Variants in GRID1 observed in about 807,000 individuals in gnomAD.
GRID1 encodes glutamate receptor ionotropic, delta-1.
In GRID1, 28 loss-of-function variants were observed where a neutral mutation model predicts 98.0. That is an observed-to-expected ratio of 0.29 (90% CI 0.21 to 0.39). The LOEUF (loss-of-function observed/expected upper bound fraction) is 0.39. GRID1 is among the 10% of genes least tolerant of loss of function. The probability of loss-of-function intolerance (pLI) is 1.00; values close to 1 mark genes in which losing one functional copy is unlikely to be tolerated. For synonymous variants in GRID1, 553 were observed against 538.5 expected (o/e 1.03, Z -0.37); for missense variants, 1,111 against 1,340.5 (o/e 0.83, Z 2.67).
intron 4 of GRID1, among the ~76,000 whole-genome samples, chr10:85,955,898 C>A (rs1432927028): frequency 6.6e-6 from 1 of 152,166 alleles, no homozygotes; most frequent in Non-Finnish European, 1.5e-5. Flanking sequence ...GGGGAGCTGG[C>A]CATTGTGCTC....
chr10:85,753,419 C>T (rs942689142), intron 8 of GRID1, among the ~76,000 whole-genome samples: 3 of 152,082 alleles, frequency 2.0e-5, no homozygotes, highest in African/African-American at 7.2e-5. Context: ...AGATGACAAG[C>T]CACTTAAGGA....
intron 2 of GRID1, among the ~76,000 whole-genome samples, chr10:86,284,234 T>G (rs569081827): frequency 4.6e-5 from 7 of 152,018 alleles, no homozygotes; most frequent in South Asian, 2.1e-4. Context: ...GTCTTCAATC[T>G]GCCTTCACAC....
At chr10:85,727,809 G>A (rs367827750) in intron 10 of GRID1, 46 bp downstream of exon 10, 2 of 1,427,182 alleles carry the variant, frequency 1.4e-6, no homozygotes, top group African/African-American at 2.8e-5. Context: ...TTACCCCAGA[G>A]GAAGACTAGG....
intron 4 of GRID1, among the ~76,000 whole-genome samples, chr10:86,090,752 A>C (rs1286899139): frequency 6.6e-6 from 1 of 152,216 alleles, no homozygotes; most frequent in Non-Finnish European, 1.5e-5. Context: ...GAGAGGACCC[A>C]CAGACCCTCT....
At chr10:86,100,454 C>T (rs1844281313) in intron 4 of GRID1, among the ~76,000 whole-genome samples, 2 of 151,444 alleles carry the variant, frequency 1.3e-5, no homozygotes, top group Non-Finnish European at 1.5e-5. Context: ...GTGAAACTTA[C>T]ACTCCAGTGA....
intron 2 of GRID1, among the ~76,000 whole-genome samples, chr10:86,228,173 T>C (rs1377157899): frequency 1.4e-5 from 2 of 145,684 alleles, no homozygotes; most frequent in East Asian, 4.0e-4. Context: ...AGGTGGTTGG[T>C]TGAGTAGGTG....
rs1439314267 is a variant in GRID1 at position 86,338,294 on chromosome 10, C to CT, written c.235+25646dup. On this transcript the variant is annotated intron_variant, in intron 2 of 15. Coordinates refer to ENST00000327946, the MANE Select transcript of GRID1 (RefSeq NM_017551.3). ...GCCAATCAGAGTCCTCTGAAGACCT[C>CT]TTTCCCCTCGAGTGGAAAGGGAATG... Among the ~76,000 whole-genome samples, 126 of 152,250 alleles carry CT rather than the reference C, an allele frequency of 8.3e-4. 1 individual carries two copies. Among genetic ancestry groups the CT allele is most frequent in the African/African-American group, 2.7e-3 (111 of 41,546 alleles).
intron 4 of GRID1, among the ~76,000 whole-genome samples, chr10:86,022,850 G>A (rs1325076556): frequency 1.3e-5 from 2 of 151,668 alleles, no homozygotes; most frequent in African/African-American, 2.4e-5. Context: ...CCCAGGAGGT[G>A]GAGGTTGCAG....
intron 3 of GRID1, among the ~76,000 whole-genome samples, chr10:86,186,857 A>G (rs1845731804): frequency 2.0e-5 from 3 of 152,256 alleles, no homozygotes; most frequent in Admixed American, 1.3e-4. Flanking sequence ...CAATGCAGCC[A>G]CAAGAGAGTC....
chr10:85,602,596 G>A lies in GRID1; in HGVS notation c.2707C>T (p.Leu903=), dbSNP rs201320202. 1 of 1,614,128 alleles carries A rather than the reference G, an allele frequency of 6.2e-7. No individual in the cohort carries two copies. Among genetic ancestry groups the A allele is most frequent in the Non-Finnish European group, 8.5e-7 (1 of 1,180,016 alleles). ...GTGGGAGCCAGGCCCCCCATCTCCA[G>A]GGCCGAGAGCTCAATCGACGCTGGG... ...ISPASIELSA[L]EMGGLAPTQT... is the part of the protein sequence containing the mutation. The change falls in exon 16 of 16, where the codon CTG becomes TTG. Residue 903 remains leucine, a synonymous_variant. Coordinates refer to ENST00000327946, the MANE Select transcript of GRID1 (RefSeq NM_017551.3).
intron 4 of GRID1, among the ~76,000 whole-genome samples, chr10:86,085,041 C>T (rs992729398): frequency 9.2e-5 from 14 of 152,142 alleles, no homozygotes; most frequent in Non-Finnish European, 7.3e-5. Context: ...TTTACCAATA[C>T]GCATGCAATG....
chr10:86,221,764 G>T (rs555286380), intron 2 of GRID1, among the ~76,000 whole-genome samples: 6 of 152,340 alleles, frequency 3.9e-5, no homozygotes, highest in Non-Finnish European at 7.4e-5. Flanking sequence ...CAGCTGAGGG[G>T]CTTTGTTTTG....
intron 4 of GRID1, among the ~76,000 whole-genome samples, chr10:86,049,164 C>A (rs1304314662): frequency 6.6e-6 from 1 of 152,216 alleles, no homozygotes; most frequent in South Asian, 2.1e-4. Flanking sequence ...GTATTGACAA[C>A]AGGCCTGTCA....
chr10:86,261,628 G>C (rs1029906422), intron 2 of GRID1, among the ~76,000 whole-genome samples: 9 of 152,190 alleles, frequency 5.9e-5, no homozygotes, highest in Non-Finnish European at 1.3e-4. Flanking sequence ...GAGTGGATCA[G>C]GTAAGAAGGA....
At chr10:86,264,736 C>T (rs765083420) in intron 2 of GRID1, 1 of 494,804 alleles carries the variant, frequency 2.0e-6, no homozygotes, top group East Asian at 6.0e-5. Flanking sequence ...CTGCCTCCTT[C>T]AGAGCAACAG....
At chr10:86,295,623 C>T (rs984795330) in intron 2 of GRID1, among the ~76,000 whole-genome samples, 1 of 152,076 alleles carries the variant, frequency 6.6e-6, no homozygotes, top group Non-Finnish European at 1.5e-5. Context: ...AAGAATGGCC[C>T]GGAGAAACGC....
chr10:86,139,659 C>T (rs775778377), intron 3 of GRID1, among the ~76,000 whole-genome samples: 6 of 152,308 alleles, frequency 3.9e-5, no homozygotes, highest in Middle Eastern at 3.4e-3. Context: ...TGGAGTGACT[C>T]TCACTCCAAG....
At chr10:85,743,585 A>T in intron 8 of GRID1, among the ~76,000 whole-genome samples, 1 of 152,150 alleles carries the variant, frequency 6.6e-6, no homozygotes, top group Non-Finnish European at 1.5e-5. Flanking sequence ...AGTGGAACCA[A>T]AACTCAAGAA....
At position 86,132,854 on chromosome 10, in the gene GRID1, A is replaced by C. The variant is rs75342855; in HGVS notation, c.726+5965T>G. Among the ~76,000 whole-genome samples, 1,059 of 152,348 alleles carry C rather than the reference A, an allele frequency of 7.0e-3. 18 individuals are homozygous for C. Among genetic ancestry groups the C allele is most frequent in the Admixed American group, 0.045 (682 of 15,306 alleles). Reference sequence around the variant, plus strand: ...TGAAGGATCAAATTGACCTCCAGGCACACTCCATGCCTGGGAAGCCAATCT... The same window carrying C: ...TGAAGGATCAAATTGACCTCCAGGCCCACTCCATGCCTGGGAAGCCAATCT... On this transcript the variant is annotated intron_variant, in intron 4 of 15. Coordinates refer to ENST00000327946, the MANE Select transcript of GRID1 (RefSeq NM_017551.3).
Sources: gnomAD v4.1 joint callset for allele counts (sites outside exome capture counted in the v4.1 genomes callset) on GRCh38, gnomAD v4.1.1 for gene constraint, MANE v1.5 for transcripts, NCBI Gene and HGNC (gene_info 2026-07-23, HGNC 2026-07-21) for gene names.